Variants in PAX7 observed in about 807,000 individuals in gnomAD.
PAX7 encodes paired box protein Pax-7.
A neutral mutation model predicts 50.7 loss-of-function variants in PAX7; 18 were observed. The observed-to-expected ratio is 0.36, with a 90% CI of 0.25 to 0.53. The LOEUF (loss-of-function observed/expected upper bound fraction) is 0.53. Among genes scored for constraint, PAX7 ranks in the 20% least tolerant of loss-of-function variants. The probability of loss-of-function intolerance (pLI) is 0.93; values close to 1 mark genes in which losing one functional copy is unlikely to be tolerated. For synonymous variants in PAX7, 310 were observed against 290.4 expected (o/e 1.07, Z -0.69); for missense variants, 644 against 702.9 (o/e 0.92, Z 0.95).
chr1:18,740,498 G>A (rs763161863), intron 8 of PAX7, among the ~76,000 whole-genome samples: 1 of 152,246 alleles, frequency 6.6e-6, no homozygotes, highest in Non-Finnish European at 1.5e-5. Context: ...CTCATTTATA[G>A]AAGGAGAACG....
intron 7 of PAX7, among the ~76,000 whole-genome samples, chr1:18,728,361 G>A (rs760676587): frequency 5.3e-5 from 8 of 151,832 alleles, no homozygotes; most frequent in South Asian, 2.1e-4. Flanking sequence ...CTTCCTGCAC[G>A]GGTGTCTGGG....
intron 6 of PAX7, among the ~76,000 whole-genome samples, chr1:18,702,665 C>A (rs2089236871): frequency 6.6e-6 from 1 of 152,166 alleles, no homozygotes; most frequent in Non-Finnish European, 1.5e-5. Context: ...GTTTCTTCAT[C>A]TGTAAAATGG....
intron 4 of PAX7, among the ~76,000 whole-genome samples, chr1:18,638,321 G>A (rs931064443): frequency 1.2e-4 from 18 of 152,208 alleles, no homozygotes; most frequent in South Asian, 4.1e-4. Flanking sequence ...AATGCGGGGC[G>A]TTCCATGCTG....
chr1:18,709,780 C>T lies in PAX7; in HGVS notation c.1155+6484C>T, dbSNP rs770948350. ...GGCAGAGTTAGGATTCCAACAGTGGCTCCAGAGCTCACGATGCTACTGTGT... is the reference window on the plus strand; with the variant it reads ...GGCAGAGTTAGGATTCCAACAGTGGTTCCAGAGCTCACGATGCTACTGTGT... On this transcript the variant is annotated intron_variant, in intron 7 of 8. Transcript: ENST00000420770. 2.6e-5 allele frequency among the ~76,000 whole-genome samples: 4 copies of T among 152,206 alleles called. No individual in the cohort carries two copies. The East Asian group carries it at 7.7e-4, about 29-fold the overall frequency.
chr1:18,656,720 C>T (rs761090601), intron 4 of PAX7, among the ~76,000 whole-genome samples: 2 of 151,794 alleles, frequency 1.3e-5, no homozygotes, highest in Admixed American at 6.6e-5. Flanking sequence ...TGAGGCGAGA[C>T]GTGGTGGCTC....
chr1:18,699,336 C>T (rs191595886), intron 5 of PAX7, among the ~76,000 whole-genome samples: 1 of 152,044 alleles, frequency 6.6e-6, no homozygotes, highest in Admixed American at 6.5e-5. Flanking sequence ...ACCTTAGATG[C>T]GGCAATTAAG....
At chr1:18,655,739 T>C (rs149623946) in intron 4 of PAX7, among the ~76,000 whole-genome samples, 1 of 151,348 alleles carries the variant, frequency 6.6e-6, no homozygotes, top group Non-Finnish European at 1.5e-5. Flanking sequence ...TGTAAAACAT[T>C]GAACTAGAGC....
rs529159882 is a variant in PAX7, at chr1:18,721,062, A to G, written c.1156-14570A>G. Among the ~76,000 whole-genome samples the G allele has an allele frequency of 4.9e-4, 75 of 152,134 alleles. 1 individual carries two copies. Among genetic ancestry groups the G allele is most frequent in the African/African-American group, 1.7e-3 (71 of 41,490 alleles). On this transcript the variant is annotated intron_variant, in intron 7 of 8. Transcript: ENST00000420770. ...CAGCAGGCAGGTCCCTTTCTCTCCC[A>G]GCCTAGTGACCTGCCAGAGCCAGCT... is the stretch of plus-strand genomic sequence containing the variant.
intron 4 of PAX7, among the ~76,000 whole-genome samples, chr1:18,652,756 A>G (rs2088453141): frequency 6.6e-6 from 1 of 152,214 alleles, no homozygotes; most frequent in African/African-American, 2.4e-5. Flanking sequence ...ATTGAGGCAT[A>G]CAGAGAGGTG....
chr1:18,735,662 G>C lies in PAX7; in HGVS notation c.1186G>C (p.Val396Leu). The C allele has an allele frequency of 6.2e-7, 1 of 1,613,894 alleles. No individual in the cohort carries two copies. The highest frequency in any genetic ancestry group is 2.2e-5 in the East Asian group (1 of 44,864). ...VMSILGNPSAVPPQPQADFSI... is the reference protein window; with the variant it reads ...VMSILGNPSALPPQPQADFSI... Reference sequence around the variant, plus strand: ...GAGCATCTTGGGCAACCCCAGTGCGGTGCCCCCGCAGCCACAGGCTGACTT... The same window carrying C: ...GAGCATCTTGGGCAACCCCAGTGCGCTGCCCCCGCAGCCACAGGCTGACTT... Residue 396 changes from valine (V) to leucine (L), a missense_variant, in exon 8 of 9, where the codon GTG (valine) becomes CTG (leucine). Val to Leu is a conservative substitution (Grantham distance 32). Transcript: ENST00000420770. This position sits in a 1 kb window ranked among gnomAD's most constrained non-coding sequence, Gnocchi z 4.0.
intron 8 of PAX7, among the ~76,000 whole-genome samples, chr1:18,737,133 C>T (rs1309524063): frequency 6.6e-6 from 1 of 152,268 alleles, no homozygotes; most frequent in Non-Finnish European, 1.5e-5. Flanking sequence ...AGGCCAGCAG[C>T]AGGGCAGGTC....
At position 18,745,259 on chromosome 1, in the gene PAX7, C is replaced by T; in HGVS notation, c.*330C>T. 2 of 356,060 alleles carry T rather than the reference C, an allele frequency of 5.6e-6. No homozygotes were observed. The highest frequency in any genetic ancestry group is 1.0e-5 in the Non-Finnish European group (2 of 193,020). 22.1% of individuals were successfully genotyped at this position (356,060 alleles called of 1,614,324 possible). A position where few individuals can be genotyped will look rare whatever the true frequency, so the allele number is the denominator to read the frequency against. On this transcript the variant is annotated 3_prime_UTR_variant, in exon 9 of 9. Coordinates refer to ENST00000420770, the MANE Select transcript of PAX7 (RefSeq NM_001135254.2). ...GGCCCACCTTGAACACCTTGGGTGT[C>T]CAGAGGAGGATGGTGCCTGAGAGGA... is the stretch of plus-strand genomic sequence containing the variant.
chr1:18,631,223 C>T lies in PAX7; in HGVS notation c.-381C>T. On this transcript the variant is annotated 5_prime_UTR_variant, in exon 1 of 9. Coordinates refer to ENST00000420770, the MANE Select transcript of PAX7 (RefSeq NM_001135254.2). ...TGAGGCTGGCGGCCTCGATTCCGGCCGCGTTCCCCCGGCCCCCCTCCGCCG... is the reference window on the plus strand; with the variant it reads ...TGAGGCTGGCGGCCTCGATTCCGGCTGCGTTCCCCCGGCCCCCCTCCGCCG... 1 of 247,238 alleles carries T rather than the reference C, an allele frequency of 4.0e-6. No individual in the cohort carries two copies. Among genetic ancestry groups the T allele is most frequent in the East Asian group, 5.9e-5 (1 of 17,006 alleles). The allele number at this position is 247,238 out of a possible 1,614,324, so 15.3% of individuals were successfully genotyped here. A position where few individuals can be genotyped will look rare whatever the true frequency, so the allele number is the denominator to read the frequency against.
chr1:18,640,988 C>T (rs531150611), intron 4 of PAX7, among the ~76,000 whole-genome samples: 1 of 152,200 alleles, frequency 6.6e-6, no homozygotes. Context: ...CTCCATCCCC[C>T]CAACCGAAGA....
intron 7 of PAX7, among the ~76,000 whole-genome samples, chr1:18,709,607 C>T (rs138037120): frequency 0.01 from 1,570 of 152,338 alleles, 15 homozygotes; most frequent in Non-Finnish European, 0.016. Flanking sequence ...CCCACTTGCC[C>T]TCCTTGACTC....
At chr1:18,639,833 T>G (rs1478978959) in intron 4 of PAX7, among the ~76,000 whole-genome samples, 1 of 152,174 alleles carries the variant, frequency 6.6e-6, no homozygotes, top group Non-Finnish European at 1.5e-5. Flanking sequence ...TGCACCAGTT[T>G]AAGCCAAAAC....
chr1:18,734,014 C>G (rs569308977), intron 7 of PAX7, among the ~76,000 whole-genome samples: 2 of 152,336 alleles, frequency 1.3e-5, no homozygotes, highest in East Asian at 3.9e-4. Flanking sequence ...GGTTACACAG[C>G]TGGTAAACGG....
rs1273652920 is a variant in PAX7, at chr1:18,636,210, T to C, written c.452-27T>C. 1.2e-6 allele frequency: 2 copies of C among 1,612,086 alleles called. No homozygotes were observed. Among genetic ancestry groups the C allele is most frequent in the Non-Finnish European group, 8.5e-7 (1 of 1,178,656 alleles). On this transcript the variant is annotated intron_variant, in intron 3 of 8. Transcript: ENST00000420770. The surrounding 1 kb of genome is among the most constrained non-coding windows in gnomAD (Gnocchi z 5.1). The stretch of plus-strand genomic sequence containing the variant: ...GCTCCTCTGCTCCAACAACTTATAC[T>C]TGCTCTTTTGCCTTTGAATTTCTGA...
In PAX7 at chr1:18,648,401, G is replaced by A. The variant is rs112234354; in HGVS notation, c.586+12030G>A. On this transcript the variant is annotated intron_variant, in intron 4 of 8. Transcript: ENST00000420770. ...CTGTCACCCAGGCTGGAATGCAGTG[G>A]TGTGATCACTGCTCAGTGTAGCCAC... Among the ~76,000 whole-genome samples, 1,452 of 148,602 alleles carry A rather than the reference G, an allele frequency of 9.8e-3. 20 individuals carry two copies. The highest frequency in any genetic ancestry group is 0.033 in the African/African-American group (1,337 of 39,956).
Sources: gnomAD v4.1 joint callset for allele counts (sites outside exome capture counted in the v4.1 genomes callset) on GRCh38, gnomAD v4.1.1 for gene constraint, Gnocchi (gnomAD v3.1) non-coding constraint, MANE v1.5 for transcripts, NCBI Gene and HGNC (gene_info 2026-07-23, HGNC 2026-07-21) for gene names.